SLC9A9: variants seen among roughly 807,000 people sequenced by gnomAD.
SLC9A9 encodes solute carrier family 9 member A9.
A neutral mutation model predicts 77.8 loss-of-function variants in SLC9A9; 62 were observed. That is an observed-to-expected ratio of 0.80 (90% CI 0.65 to 0.98). The LOEUF (loss-of-function observed/expected upper bound fraction) is 0.98, where lower values mean the gene tolerates loss of function less well. SLC9A9 is among the 50% of genes least tolerant of loss of function. The probability of loss-of-function intolerance (pLI) is 0.00; values close to 1 mark genes in which losing one functional copy is unlikely to be tolerated. For synonymous variants in SLC9A9, 320 were observed against 283.5 expected (o/e 1.13, Z -1.29); for missense variants, 775 against 774.9 (o/e 1.00, Z 0.00).
At chr3:143,732,445 T>C (rs1374832821) in intron 4 of SLC9A9, among the ~76,000 whole-genome samples, 2 of 152,216 alleles carry the variant, frequency 1.3e-5, no homozygotes, top group Non-Finnish European at 2.9e-5. Context: ...CAAATACCAT[T>C]AGCAACCTGT....
At chr3:143,770,211 A>G (rs917262837) in intron 4 of SLC9A9, among the ~76,000 whole-genome samples, 1 of 152,184 alleles carries the variant, frequency 6.6e-6, no homozygotes, top group Non-Finnish European at 1.5e-5. Context: ...TGAATACTGA[A>G]AATAAACAAG....
chr3:143,564,037 T>G (rs2037129165), intron 8 of SLC9A9, among the ~76,000 whole-genome samples: 1 of 152,182 alleles, frequency 6.6e-6, no homozygotes, highest in African/African-American at 2.4e-5. Flanking sequence ...CAAATACACA[T>G]CTGTCAAAGG....
intron 12 of SLC9A9, among the ~76,000 whole-genome samples, chr3:143,395,342 TG>T (rs1206720422): frequency 6.6e-6 from 1 of 152,192 alleles, no homozygotes; most frequent in Non-Finnish European, 1.5e-5. Flanking sequence ...AAACAAGGAA[TG>T]GGGAAAGGAT....
intron 9 of SLC9A9, among the ~76,000 whole-genome samples, chr3:143,505,576 TG>T (rs1335888214): frequency 1.3e-5 from 2 of 152,138 alleles, no homozygotes; most frequent in African/African-American, 2.4e-5. Flanking sequence ...TATATTTCTT[TG>T]TTTGAGAATT....
intron 14 of SLC9A9, among the ~76,000 whole-genome samples, chr3:143,279,088 T>C (rs558709532): frequency 6.6e-6 from 1 of 152,340 alleles, no homozygotes; most frequent in Non-Finnish European, 1.5e-5. Flanking sequence ...GTTTCAGAGA[T>C]ATATTTCAAC....
chr3:143,309,228 G>A (rs2030927491), intron 14 of SLC9A9, among the ~76,000 whole-genome samples: 1 of 152,140 alleles, frequency 6.6e-6, no homozygotes. Context: ...TGAACAGTCT[G>A]AGGCTTGGGA....
At position 143,552,412 on chromosome 3, in the gene SLC9A9, G is replaced by A. The variant is rs1373391925; in HGVS notation, c.1039C>T (p.His347Tyr). 1 of 1,612,954 alleles carries A rather than the reference G, an allele frequency of 6.2e-7. No homozygotes were observed. Among genetic ancestry groups the A allele is most frequent in the African/African-American group, 1.3e-5 (1 of 74,832 alleles). ...GAAGACAGATTGTTGTAGGTATAAT[G>A]TGCTTGTGTGACTCCACAGAAGAGA... is the stretch of plus-strand genomic sequence containing the variant. ...AVLFCGVTQAHYTYNNLSSDS... is the reference protein window; with the variant it reads ...AVLFCGVTQAYYTYNNLSSDS... Residue 347 changes from histidine to tyrosine, a missense_variant, in exon 9 of 16, where the codon CAT becomes TAT. By Grantham distance (83) the His-to-Tyr change is moderately conservative. Transcript: ENST00000316549.
intron 9 of SLC9A9, among the ~76,000 whole-genome samples, chr3:143,551,591 G>A (rs1028331146): frequency 2.0e-5 from 3 of 152,168 alleles, no homozygotes; most frequent in African/African-American, 7.2e-5. Flanking sequence ...CAAGCTCCAG[G>A]TTGGGCATCA....
chr3:143,321,490 G>A (rs931796810), intron 14 of SLC9A9, among the ~76,000 whole-genome samples: 9 of 152,080 alleles, frequency 5.9e-5, no homozygotes, highest in Non-Finnish European at 1.2e-4. Context: ...AGCTTTACTT[G>A]GCATGTTCAC....
At chr3:143,480,811 A>G (rs1306537350) in intron 11 of SLC9A9, among the ~76,000 whole-genome samples, 1 of 152,192 alleles carries the variant, frequency 6.6e-6, no homozygotes, top group Non-Finnish European at 1.5e-5. Flanking sequence ...TAGCATGGGA[A>G]GGTAAAAGAA....
intron 9 of SLC9A9, among the ~76,000 whole-genome samples, chr3:143,523,051 C>T (rs2036339803): frequency 6.6e-6 from 1 of 152,072 alleles, no homozygotes; most frequent in Non-Finnish European, 1.5e-5. Context: ...AACAGGGTCT[C>T]TTCCAGTCCC....
chr3:143,454,090 A>T (rs949261637), intron 12 of SLC9A9, among the ~76,000 whole-genome samples: 2 of 152,202 alleles, frequency 1.3e-5, no homozygotes, highest in Non-Finnish European at 2.9e-5. Context: ...TGGACTTCCC[A>T]GCTTCTAGAA....
intron 1 of SLC9A9, among the ~76,000 whole-genome samples, chr3:143,845,298 T>A (rs1182029421): frequency 6.6e-6 from 1 of 152,178 alleles, no homozygotes; most frequent in African/African-American, 2.4e-5. Flanking sequence ...CATTTATAGC[T>A]GTTGGACAAT....
At chr3:143,437,172 C>G (rs1244236170) in intron 12 of SLC9A9, among the ~76,000 whole-genome samples, 1 of 152,230 alleles carries the variant, frequency 6.6e-6, no homozygotes, top group Non-Finnish European at 1.5e-5. Context: ...ATAGCAGGGG[C>G]TCCATACATT....
chr3:143,517,695 G>A (rs1576548897), intron 9 of SLC9A9: 3 of 1,597,576 alleles, frequency 1.9e-6, no homozygotes, highest in East Asian at 4.5e-5. Context: ...GCTGAATCAG[G>A]ATTTATTTCA....
At chr3:143,751,403 G>T (rs551166247) in intron 4 of SLC9A9, among the ~76,000 whole-genome samples, 1 of 152,260 alleles carries the variant, frequency 6.6e-6, no homozygotes, top group South Asian at 2.1e-4. Flanking sequence ...GCTCCCTATG[G>T]GGATTTCCTT....
chr3:143,291,631 AG>A (rs904747144), intron 14 of SLC9A9, among the ~76,000 whole-genome samples: 1 of 152,204 alleles, frequency 6.6e-6, no homozygotes, highest in Non-Finnish European at 1.5e-5. Context: ...TAAAATACCT[AG>A]TAATGGAGGG....
chr3:143,356,904 G>A (rs927045888), intron 14 of SLC9A9, among the ~76,000 whole-genome samples: 1 of 152,154 alleles, frequency 6.6e-6, no homozygotes, highest in Non-Finnish European at 1.5e-5. Context: ...GTAAGGATAT[G>A]GATGACCAAA....
rs565521757 is a variant in SLC9A9, at chr3:143,614,286, G to GT, written c.756-35564dup. On this transcript the variant is annotated intron_variant, in intron 6 of 15. Transcript: ENST00000316549. Reference sequence around the variant, plus strand: ...TTGTGTACTCATTTTTGCTATGCCTGTATCAATTTTTGATCCTTTTTCTCC... The same window carrying GT: ...TTGTGTACTCATTTTTGCTATGCCTGTTATCAATTTTTGATCCTTTTTCTCC... Among the ~76,000 whole-genome samples, 377 of 152,280 alleles carry GT rather than the reference G, an allele frequency of 2.5e-3. 3 individuals carry two copies. The highest frequency in any genetic ancestry group is 8.5e-3 in the African/African-American group (353 of 41,550).
Sources: gnomAD v4.1 joint callset for allele counts (sites outside exome capture counted in the v4.1 genomes callset) on GRCh38, gnomAD v4.1.1 for gene constraint, MANE v1.5 for transcripts, NCBI Gene and HGNC (gene_info 2026-07-23, HGNC 2026-07-21) for gene names.